MMP8: variants seen among roughly 807,000 people sequenced by gnomAD.
MMP8 encodes the protein matrix metallopeptidase 8, also known as neutrophil collagenase.
MMP8 carries 67 observed loss-of-function variants against 51.2 expected under a neutral mutation model. The ratio of observed to expected loss-of-function variants is 1.31; its 90% CI spans 1.08 to 1.60. The LOEUF is 1.60. Among genes scored for constraint, MMP8 ranks in the 40% most tolerant of loss-of-function variants. The probability of loss-of-function intolerance (pLI) is 0.00; values close to 1 mark genes in which losing one functional copy is unlikely to be tolerated. For missense variants in MMP8, 654 were observed against 558.1 expected (o/e 1.17, Z -1.73); for synonymous variants, 225 against 191.0 (o/e 1.18, Z -1.47).
intron 4 of MMP8, 84 bp downstream of exon 4, chr11:102,721,317 A>ATT (rs1555096509): frequency 1.9e-6 from 2 of 1,056,312 alleles, no homozygotes; most frequent in East Asian, 7.7e-5. Flanking sequence ...TGTTACCTTT[A>ATT]TTGTGTGTGT....
At chr11:102,724,698 A>C in intron 1 of MMP8, 56 bp downstream of exon 1, 4 of 1,446,210 alleles carry the variant, frequency 2.8e-6, no homozygotes, top group Non-Finnish European at 3.8e-6. Flanking sequence ...AAAACAACCC[A>C]CACTATTTCC....
chr11:102,720,381 G>A (rs189162868), intron 4 of MMP8, among the ~76,000 whole-genome samples: 9 of 152,228 alleles, frequency 5.9e-5, no homozygotes, highest in Admixed American at 2.0e-4. Flanking sequence ...ATGATCATCC[G>A]AACTAGTGAG....
Position 102,724,902 on chromosome 11 carries a change from C to T in MMP8, c.-47G>A. ...CCCTCCTGGCTTTCTTTCTGTCCCT[C>T]TGGGTAGGGCCCTTCCCTGGCGAGC... On this transcript the variant is annotated 5_prime_UTR_variant, in exon 1 of 10. Coordinates refer to ENST00000236826, the MANE Select transcript of MMP8 (RefSeq NM_002424.3). 2.5e-6 allele frequency: 4 copies of T among 1,576,114 alleles called. No homozygotes were observed. Among genetic ancestry groups the T allele is most frequent in the Non-Finnish European group, 3.5e-6 (4 of 1,158,130 alleles).
At position 102,718,496 on chromosome 11, in the gene MMP8, C is replaced by A; in HGVS notation, c.702G>T (p.Leu234Phe). 1 of 1,613,880 alleles carries A rather than the reference C, an allele frequency of 6.2e-7. No homozygotes were observed. The highest frequency in any genetic ancestry group is 8.5e-7 in the Non-Finnish European group (1 of 1,179,906). ...GLAHSSDPGA[L>F]MYPNYAFRET... ...CCCTGAAAGCATAGTTGGGATACAT[C>A]AAGGCACCAGGGTCAGAGGAGTGAG... Residue 234 changes from leucine to phenylalanine, a missense_variant, in exon 5 of 10, where the codon TTG becomes TTT. Physicochemically the swap from Leu to Phe is conservative, Grantham distance 22. Coordinates refer to ENST00000236826, the MANE Select transcript of MMP8 (RefSeq NM_002424.3).
Position 102,715,396 on chromosome 11 carries a change from A to G in MMP8, c.944T>C (p.Met315Thr). The G allele has an allele frequency of 6.2e-7, 1 of 1,613,748 alleles. No individual in the cohort carries two copies. Reference protein sequence around the residue: ...RRHPQLQRVEMNFISLFWPSL... With the variant: ...RRHPQLQRVETNFISLFWPSL... ...TGGCCAGAATAGAGAAATAAAATTC[A>G]TTTCGACTCTTTGTAGCTGAGGATG... Residue 315 changes from methionine to threonine, a missense_variant, in exon 7 of 10, where the codon ATG becomes ACG. Transcript: ENST00000236826.
chr11:102,721,965 TC>T (rs1365199915), intron 2 of MMP8, among the ~76,000 whole-genome samples: 1 of 152,158 alleles, frequency 6.6e-6, no homozygotes, highest in Non-Finnish European at 1.5e-5. Flanking sequence ...AGTTTCCTAT[TC>T]ATAAAATGAG....
At chr11:102,714,204 C>T (rs1861212449) in intron 8 of MMP8, among the ~76,000 whole-genome samples, 1 of 152,070 alleles carries the variant, frequency 6.6e-6, no homozygotes, top group South Asian at 2.1e-4. Flanking sequence ...AACTTGGGAA[C>T]CAAATTCTGC....
intron 1 of MMP8, among the ~76,000 whole-genome samples, chr11:102,724,450 G>C (rs945083203): frequency 1.3e-5 from 2 of 152,132 alleles, no homozygotes; most frequent in Non-Finnish European, 2.9e-5. Context: ...AGGTAAATGA[G>C]AAAGAAAATG....
intron 4 of MMP8, among the ~76,000 whole-genome samples, chr11:102,720,574 C>T (rs1861439141): frequency 6.6e-6 from 1 of 152,246 alleles, no homozygotes; most frequent in East Asian, 1.9e-4. Flanking sequence ...TAAAAGTGCT[C>T]TCTGGCATAT....
intron 5 of MMP8, among the ~76,000 whole-genome samples, chr11:102,717,302 A>G (rs924562249): frequency 6.6e-5 from 10 of 152,202 alleles, no homozygotes; most frequent in African/African-American, 2.2e-4. Flanking sequence ...TTATCCAGGC[A>G]ATATGGCAAA....
Position 102,713,605 on chromosome 11 carries a change from C to A in MMP8, c.1295-148G>T, listed in dbSNP as rs1186137997. ...TAAACACCAGGTGCGGTGGCTAATG[C>A]CTGTAATCCCAGAACTCTGGGAGGC... On this transcript the variant is annotated intron_variant, in intron 9 of 9. Transcript: ENST00000236826. 9.2e-6 allele frequency: 9 copies of A among 978,862 alleles called. No individual in the cohort carries two copies. In the East Asian group the frequency reaches 2.0e-4, roughly 22 times the overall value. 60.6% of individuals were successfully genotyped at this position (978,862 alleles called of 1,614,324 possible). A position where few individuals can be genotyped will look rare whatever the true frequency, so the allele number is the denominator to read the frequency against.
intron 1 of MMP8, chr11:102,722,900 C>T (rs1345599268): frequency 1.3e-5 from 14 of 1,044,648 alleles, no homozygotes; most frequent in Non-Finnish European, 1.6e-5. Context: ...AAGGGTGTCT[C>T]ATAAGGGATG....
chr11:102,716,729 C>T (rs4754872), intron 5 of MMP8, among the ~76,000 whole-genome samples: 10,203 of 152,130 alleles, frequency 0.067, 536 homozygotes, highest in East Asian at 0.24. Flanking sequence ...CTTTTCAGTT[C>T]CTCTTTCTGC....
At chr11:102,718,329 C>A in intron 5 of MMP8, 85 bp downstream of exon 5, 1 of 1,378,690 alleles carries the variant, frequency 7.3e-7, no homozygotes, top group Non-Finnish European at 9.9e-7. Context: ...TGCAGAAGTG[C>A]AAAGGAAGAG....
In MMP8 at chr11:102,716,423, GAAAAAAAAAAAA is replaced by G. The variant is rs751481811; in HGVS notation, c.785-16_785-5del. On this transcript the variant is annotated splice_region_variant and splice_polypyrimidine_tract_variant and intron_variant, in intron 5 of 9. Coordinates refer to ENST00000236826, the MANE Select transcript of MMP8 (RefSeq NM_002424.3). ...TGGATAGGGTTGCTTGAAAGTCCTGGAAAAAAAAAAAAAAAAAAAAAAAAGGTCTTTCTTATG... is the reference window on the plus strand; with the variant it reads ...TGGATAGGGTTGCTTGAAAGTCCTGGAAAAAAAAAAAAGGTCTTTCTTATG... 5.6e-5 allele frequency: 22 copies of G among 395,674 alleles called. No individual in the cohort carries two copies. The East Asian group carries it at 8.5e-4, about 15-fold the overall frequency. 24.5% of individuals were successfully genotyped at this position (395,674 alleles called of 1,614,324 possible). A position where few individuals can be genotyped will look rare whatever the true frequency, so the allele number is the denominator to read the frequency against.
At chr11:102,724,512 G>T (rs1361981001) in intron 1 of MMP8, among the ~76,000 whole-genome samples, 1 of 152,116 alleles carries the variant, frequency 6.6e-6, no homozygotes, top group Non-Finnish European at 1.5e-5. Flanking sequence ...CCCAACTAGG[G>T]GTAACTCTAC....
chr11:102,722,521 C>T lies in MMP8; in HGVS notation c.255G>A (p.Met85Ile), dbSNP rs765879676. ...GCACTCCACAGCGAGGCTTTTTCAT[C>T]ATGTCCAGAGTTTCCTCATTTGGCT... Reference protein sequence around the residue: ...TGKPNEETLDMMKKPRCGVPD... With the variant: ...TGKPNEETLDIMKKPRCGVPD... The change falls in exon 2 of 10, where the codon ATG (methionine) becomes ATA (isoleucine). Residue 85 changes from methionine (M) to isoleucine (I), a missense_variant. Physicochemically the swap from Met to Ile is conservative, Grantham distance 10. Transcript: ENST00000236826. 2.1e-5 allele frequency: 34 copies of T among 1,613,818 alleles called. No individual in the cohort carries two copies. The highest frequency in any genetic ancestry group is 6.7e-5 in the East Asian group (3 of 44,888).
chr11:102,720,699 T>C (rs751965974), intron 4 of MMP8, among the ~76,000 whole-genome samples: 1 of 152,108 alleles, frequency 6.6e-6, no homozygotes, highest in Non-Finnish European at 1.5e-5. Flanking sequence ...CTGAAAGGAG[T>C]GGCTTGCTGT....
At chr11:102,713,482 T>G (rs751263045) in intron 9 of MMP8, 25 bp from the exon 10 acceptor site, 2 of 1,541,884 alleles carry the variant, frequency 1.3e-6, no homozygotes, top group East Asian at 4.5e-5. Context: ...AGATAATTTA[T>G]TGAATTAGCT....
Sources: gnomAD v4.1 joint callset for allele counts (sites outside exome capture counted in the v4.1 genomes callset) on GRCh38, gnomAD v4.1.1 for gene constraint, MANE v1.5 for transcripts, NCBI Gene and HGNC (gene_info 2026-07-23, HGNC 2026-07-21) for gene names.